PKHD1L1: variants seen among roughly 807,000 people sequenced by gnomAD.
PKHD1L1 encodes fibrocystin-L.
A neutral mutation model predicts 462.9 loss-of-function variants in PKHD1L1; 434 were observed. The ratio of observed to expected loss-of-function variants is 0.94; its 90% CI spans 0.87 to 1.02. The LOEUF (loss-of-function observed/expected upper bound fraction) is 1.02. Ranked by LOEUF, PKHD1L1 falls within the 50% of genes least tolerant of loss-of-function variation. The pLI, the probability that PKHD1L1 is intolerant of heterozygous loss-of-function variation, is 0.00. For missense variants in PKHD1L1, 5,202 were observed against 5,096.1 expected, an observed-to-expected ratio of 1.02 and a Z score of -0.63; for synonymous variants, 1,781 against 1,750.0, an observed-to-expected ratio of 1.02 and a Z score of -0.44.
rs559069370 is a variant in PKHD1L1 at position 109,383,125 on chromosome 8, G to A, written c.417+554G>A. Among the ~76,000 whole-genome samples, 770 of 89,410 alleles carry A rather than the reference G, an allele frequency of 8.6e-3. 5 individuals carry two copies. Among genetic ancestry groups the A allele is most frequent in the Middle Eastern group, 0.086 (11 of 128 alleles). The allele number at this position is 89,410 out of a possible 152,430, so 58.7% of individuals were successfully genotyped here. A position where few individuals can be genotyped will look rare whatever the true frequency, so the allele number is the denominator to read the frequency against. On this transcript the variant is annotated intron_variant, in intron 4 of 77. Transcript: ENST00000378402. Reference sequence around the variant, plus strand: ...TATAAATAGTTATATATAATATATAGTTATATATATTATTGTATATATTAT... The same window carrying A: ...TATAAATAGTTATATATAATATATAATTATATATATTATTGTATATATTAT...
intron 14 of PKHD1L1, among the ~76,000 whole-genome samples, chr8:109,404,283 T>G (rs553030474): frequency 1.3e-5 from 2 of 152,298 alleles, no homozygotes; most frequent in Middle Eastern, 3.4e-3. Flanking sequence ...GAAATAGTAT[T>G]GTCTTCTATA....
chr8:109,376,453 G>C (rs898146950), intron 2 of PKHD1L1, among the ~76,000 whole-genome samples: 1 of 152,180 alleles, frequency 6.6e-6, no homozygotes, highest in Non-Finnish European at 1.5e-5. Context: ...CTTCCCGGGT[G>C]AGGTGATGCC....
intron 2 of PKHD1L1, among the ~76,000 whole-genome samples, chr8:109,379,226 T>A (rs1234840809): frequency 6.6e-6 from 1 of 152,070 alleles, no homozygotes; most frequent in Non-Finnish European, 1.5e-5. Flanking sequence ...ACTTTCCTTC[T>A]CCCATGGAAA....
Position 109,508,169 on chromosome 8 carries a change from C to A in PKHD1L1, c.11300C>A (p.Ala3767Glu). 1 of 1,613,110 alleles carries A rather than the reference C, an allele frequency of 6.2e-7. No homozygotes were observed. Among genetic ancestry groups the A allele is most frequent in the Non-Finnish European group, 8.5e-7 (1 of 1,179,338 alleles). ...QSYQCFGMEY[A>E]MMVIESLDPD... ...TATCAGTGCTTTGGGATGGAATATG[C>A]AATGATGGTTATTGAAAGTCTGGAT... The change falls in exon 70 of 78, where the codon GCA becomes GAA. Residue 3767 changes from alanine (A) to glutamate (E), a missense_variant. By Grantham distance (107) the Ala-to-Glu change is moderately radical. Around this residue, in one of 3 missense-constraint regions of PKHD1L1, gnomAD observed 698 missense variants for 736.3 expected, o/e 0.95. Transcript: ENST00000378402.
chr8:109,378,806 A>G (rs1811964820), intron 2 of PKHD1L1, among the ~76,000 whole-genome samples: 2 of 152,212 alleles, frequency 1.3e-5, no homozygotes, highest in South Asian at 4.1e-4. Flanking sequence ...TTGGTTAGGA[A>G]CTGAAGGGAA....
chr8:109,523,155 A>G, intron 75 of PKHD1L1, 78 bp from the exon 76 acceptor site: 2 of 1,343,588 alleles, frequency 1.5e-6, no homozygotes, highest in Non-Finnish European at 2.0e-6. Context: ...CATTTTTAAA[A>G]ATAAAGTTTT....
At chr8:109,504,623 GAAAATTAAGA>G in intron 68 of PKHD1L1, 131 bp downstream of exon 68, 2 of 514,246 alleles carry the variant, frequency 3.9e-6, no homozygotes, top group Middle Eastern at 8.8e-4. Context: ...TGAGCATTAT[GAAAATTAAGA>G]CCATTTAATA....
intron 48 of PKHD1L1, among the ~76,000 whole-genome samples, chr8:109,462,874 C>G (rs714994): frequency 0.29 from 44,552 of 151,782 alleles, 7,071 homozygotes; most frequent in East Asian, 0.43. Context: ...GAATCCTCCT[C>G]CACCAAATAC....
At position 109,479,659 on chromosome 8, in the gene PKHD1L1, T is replaced by C. The variant is rs1199176530; in HGVS notation, c.9178+20T>C. 12 of 1,379,676 alleles carry C rather than the reference T, an allele frequency of 8.7e-6. No homozygotes were observed. Among genetic ancestry groups the C allele is most frequent in the Admixed American group, 2.0e-5 (1 of 49,958 alleles). The allele number at this position is 1,379,676 out of a possible 1,614,324, so 85.5% of individuals were successfully genotyped here. On this transcript the variant is annotated intron_variant, in intron 54 of 77. Transcript: ENST00000378402. ...CTGAAGGTAAATGCGTAAACACAAA[T>C]GAATGAAATGTTTGTTTTCTGCAAT...
chr8:109,496,798 G>C, intron 63 of PKHD1L1, 121 bp from the exon 64 acceptor site: 1 of 1,036,724 alleles, frequency 9.6e-7, no homozygotes, highest in South Asian at 1.8e-5. Context: ...TATTAAACCT[G>C]ATATCAGAAT....
rs78508697 is a variant in PKHD1L1 at position 109,465,040 on chromosome 8, G to A, written c.8208G>A (p.Leu2736=). 2.4e-4 allele frequency: 382 copies of A among 1,613,800 alleles called. 2 individuals are homozygous for A. The East Asian group carries it at 4.4e-3, about 19-fold the overall frequency. ...TGGTTCTCCCATTTAGTGAAGGCTT[G>A]ACTGTCTCTTCTGTGCACTTTATGA... is the stretch of plus-strand genomic sequence containing the variant. The part of the protein sequence containing the change: ...KGLVLPFSEG[L]TVSSVHFMNF... Residue 2736 remains leucine, a synonymous_variant, in exon 49 of 78, where the codon TTG becomes TTA. Transcript: ENST00000378402.
intron 35 of PKHD1L1, among the ~76,000 whole-genome samples, chr8:109,442,570 C>T (rs1815858534): frequency 1.3e-5 from 2 of 152,122 alleles, no homozygotes; most frequent in Non-Finnish European, 2.9e-5. Flanking sequence ...CAGGACAGCT[C>T]AGTGTAAAAT....
Position 109,389,136 on chromosome 8 carries a change from G to A in PKHD1L1, c.681G>A (p.Thr227=), listed in dbSNP as rs749882291. 1.1e-5 allele frequency: 18 copies of A among 1,609,048 alleles called. No individual in the cohort carries two copies. Among genetic ancestry groups the A allele is most frequent in the Non-Finnish European group, 1.0e-5 (12 of 1,176,510 alleles). The change falls in exon 8 of 78, where the codon ACG becomes ACA. Residue 227 remains threonine, a synonymous_variant. Coordinates refer to ENST00000378402, the MANE Select transcript of PKHD1L1 (RefSeq NM_177531.6). ...NGDMGSMVCK[T]TGTFIGHHNV... ...ATATGGGTTCTATGGTTTGTAAGACGACTGGAACTTTTATTGGCAAGTGTT... is the reference window on the plus strand; with the variant it reads ...ATATGGGTTCTATGGTTTGTAAGACAACTGGAACTTTTATTGGCAAGTGTT...
chr8:109,432,515 T>C (rs1815166847), intron 27 of PKHD1L1, among the ~76,000 whole-genome samples: 1 of 148,518 alleles, frequency 6.7e-6, no homozygotes, highest in East Asian at 1.9e-4. Context: ...TATGTAATTA[T>C]CTATCTATCT....
At position 109,435,146 on chromosome 8, in the gene PKHD1L1, C is replaced by T. The variant is rs745702714; in HGVS notation, c.3341-44C>T. Reference sequence around the variant, plus strand: ...AAGCATAACTTTTATCTCATAAAACCATTTGATTTACCATTTTCTTCATCT... The same window carrying T: ...AAGCATAACTTTTATCTCATAAAACTATTTGATTTACCATTTTCTTCATCT... On this transcript the variant is annotated intron_variant, in intron 28 of 77. Transcript: ENST00000378402. The T allele has an allele frequency of 5.6e-6, 9 of 1,600,850 alleles. No homozygotes were observed. In the African/African-American group the frequency reaches 9.4e-5, roughly 17 times the overall value.
chr8:109,499,077 T>C (rs2130946195), intron 67 of PKHD1L1: 1 of 266,032 alleles, frequency 3.8e-6, no homozygotes, highest in Middle Eastern at 1.3e-3. Context: ...AGTAGGATTA[T>C]ATATTATCAT....
rs1260532572 is a variant in PKHD1L1 at position 109,454,774 on chromosome 8, G to T, written c.6796G>T (p.Gly2266Cys). The T allele has an allele frequency of 6.2e-7, 1 of 1,613,798 alleles. No individual in the cohort carries two copies. Among genetic ancestry groups the T allele is most frequent in the Non-Finnish European group, 8.5e-7 (1 of 1,179,794 alleles). Residue 2266 changes from glycine (G) to cysteine (C), a missense_variant, in exon 45 of 78, where the codon GGT becomes TGT. By Grantham distance (159) the Gly-to-Cys change is radical. Coordinates refer to ENST00000378402, the MANE Select transcript of PKHD1L1 (RefSeq NM_177531.6). ...FQHKAVITLH[G>C]HLRSPELPVY... ...ACACAAGGCTGTCATTACCTTGCAT[G>T]GTCACCTGCGATCTCCTGAGCTCCC... is the stretch of plus-strand genomic sequence containing the variant.
At position 109,448,060 on chromosome 8, in the gene PKHD1L1, G is replaced by A. The variant is rs778298035; in HGVS notation, c.5777-83G>A. 39 of 1,225,636 alleles carry A rather than the reference G, an allele frequency of 3.2e-5. No individual in the cohort carries two copies. In the South Asian group the frequency reaches 6.3e-4, roughly 20 times the overall value. The allele number at this position is 1,225,636 out of a possible 1,614,324, so 75.9% of individuals were successfully genotyped here. A position where few individuals can be genotyped will look rare whatever the true frequency, so the allele number is the denominator to read the frequency against. On this transcript the variant is annotated intron_variant, in intron 38 of 77. Transcript: ENST00000378402. ...TAAAACACTGGTTATTCTTTTATTT[G>A]TAAAAGTAAAGAGGTATATCTTTAA... is the stretch of plus-strand genomic sequence containing the variant.
chr8:109,476,635 T>G lies in PKHD1L1; in HGVS notation c.8885T>G (p.Leu2962Arg). ...WNTSKNGDWH[L>R]EANTSTLYYL... ...ACTAGCAAGAATGGGGACTGGCACC[T>G]TGAAGCAAACACTAGTACTCTATAT... The change falls in exon 52 of 78, where the codon CTT becomes CGT. Residue 2962 changes from leucine to arginine, a missense_variant. This residue lies in a region of PKHD1L1 where 4,497 missense variants were observed against 4,336.8 expected (regional missense o/e 1.04). Coordinates refer to ENST00000378402, the MANE Select transcript of PKHD1L1 (RefSeq NM_177531.6). 1.9e-6 allele frequency: 3 copies of G among 1,600,990 alleles called. No homozygotes were observed. Among genetic ancestry groups the G allele is most frequent in the Non-Finnish European group, 2.6e-6 (3 of 1,172,804 alleles).
Sources: gnomAD v4.1 joint callset for allele counts (sites outside exome capture counted in the v4.1 genomes callset) on GRCh38, gnomAD v4.1.1 for gene constraint, gnomAD v4.1.1 regional missense constraint, MANE v1.5 for transcripts, NCBI Gene and HGNC (gene_info 2026-07-23, HGNC 2026-07-21) for gene names.